Variants in PLD5 observed in about 807,000 individuals in gnomAD.
PLD5 encodes the protein phospholipase D family member 5, also known as inactive phospholipase D5.
PLD5 carries 36 observed loss-of-function variants against 61.1 expected under a neutral mutation model. That is an observed-to-expected ratio of 0.59 (90% CI 0.45 to 0.78). PLD5 has a LOEUF of 0.78. Among genes scored for constraint, PLD5 ranks in the 30% least tolerant of loss-of-function variants. PLD5 has a pLI of 0.00. For missense variants in PLD5, 515 were observed against 644.4 expected, an observed-to-expected ratio of 0.80 and a Z score of 2.17; for synonymous variants, 243 against 242.8, an observed-to-expected ratio of 1.00 and a Z score of -0.01.
intron 1 of PLD5, among the ~76,000 whole-genome samples, chr1:242,395,061 G>GAATATATATGAT (rs1255407832): frequency 5.9e-5 from 5 of 84,954 alleles, no homozygotes; most frequent in African/African-American, 2.0e-4. Context: ...GAATATATAT[G>GAATATATATGAT]TATATATATG....
intron 5 of PLD5, among the ~76,000 whole-genome samples, chr1:242,217,696 A>C (rs1670304022): frequency 6.6e-6 from 1 of 152,204 alleles, no homozygotes; most frequent in South Asian, 2.1e-4. Context: ...GAAGGAGTAG[A>C]TTCTAACCCT....
rs141233336 is a variant in PLD5 at position 242,432,400 on chromosome 1, G to A, written c.190-84158C>T. On this transcript the variant is annotated intron_variant, in intron 1 of 9. Coordinates refer to ENST00000536534, the MANE Select transcript of PLD5 (RefSeq NM_001372062.1). Reference sequence around the variant, plus strand: ...CTACAGGCGAGGCTGCCAACGTAGGGGACACTCCTTGTGAAGTCTAATGGA... The same window carrying A: ...CTACAGGCGAGGCTGCCAACGTAGGAGACACTCCTTGTGAAGTCTAATGGA... 2.0e-3 allele frequency among the ~76,000 whole-genome samples: 302 copies of A among 152,282 alleles called. 5 individuals are homozygous for A. Among genetic ancestry groups the A allele is most frequent in the African/African-American group, 6.0e-3 (251 of 41,556 alleles).
intron 6 of PLD5, among the ~76,000 whole-genome samples, chr1:242,119,017 T>C (rs959077544): frequency 5.9e-5 from 9 of 152,202 alleles, no homozygotes; most frequent in Non-Finnish European, 7.3e-5. Context: ...TGCTGTGTAC[T>C]TCTTTGTTCC....
chr1:242,196,313 G>T (rs1042490649), intron 5 of PLD5, among the ~76,000 whole-genome samples: 1 of 152,206 alleles, frequency 6.6e-6, no homozygotes, highest in African/African-American at 2.4e-5. Flanking sequence ...GGTACATTAT[G>T]GTGGGTCGGG....
chr1:242,124,710 G>A lies in PLD5; in HGVS notation c.736-45C>T, dbSNP rs750509646. 4 of 1,514,416 alleles carry A rather than the reference G, an allele frequency of 2.6e-6. No homozygotes were observed. In the South Asian group the frequency reaches 4.7e-5, roughly 18 times the overall value. The allele number at this position is 1,514,416 out of a possible 1,614,324, so 93.8% of individuals were successfully genotyped here. On this transcript the variant is annotated intron_variant, in intron 5 of 9. Coordinates refer to ENST00000536534, the MANE Select transcript of PLD5 (RefSeq NM_001372062.1). ...AGCATCAATGCCATGTGTGTCTTTT[G>A]GTGTTATTTTCAGAGAAAAAAGGAA...
Position 242,389,615 on chromosome 1 carries a change from G to A in PLD5, c.190-41373C>T, listed in dbSNP as rs114456367. Reference sequence around the variant, plus strand: ...TCAGAGCTGTATCCAAGCAGCAGACGGAGAAATAAATATGCCACTTAGAAT... The same window carrying A: ...TCAGAGCTGTATCCAAGCAGCAGACAGAGAAATAAATATGCCACTTAGAAT... On this transcript the variant is annotated intron_variant, in intron 1 of 9. Coordinates refer to ENST00000536534, the MANE Select transcript of PLD5 (RefSeq NM_001372062.1). Among the ~76,000 whole-genome samples, 1,111 of 151,828 alleles carry A rather than the reference G, an allele frequency of 7.3e-3. 14 individuals are homozygous for A. Among genetic ancestry groups the A allele is most frequent in the African/African-American group, 0.023 (950 of 41,406 alleles).
At chr1:242,337,197 A>G (rs1489609565) in intron 2 of PLD5, among the ~76,000 whole-genome samples, 1 of 72,892 alleles carries the variant, frequency 1.4e-5, no homozygotes, top group Non-Finnish European at 3.4e-5. Flanking sequence ...CAAGGTAAAT[A>G]TAAGAAAGCA....
chr1:242,357,547 A>G (rs2149232041), intron 1 of PLD5, among the ~76,000 whole-genome samples: 1 of 148,350 alleles, frequency 6.7e-6, no homozygotes, highest in Middle Eastern at 3.5e-3. Flanking sequence ...GTGCAATGGC[A>G]TTATCTTGGC....
At chr1:242,462,039 A>G (rs1005713329) in intron 1 of PLD5, among the ~76,000 whole-genome samples, 11 of 152,144 alleles carry the variant, frequency 7.2e-5, no homozygotes, top group African/African-American at 2.7e-4. Flanking sequence ...TGCTCTGTTG[A>G]CAGTTTCTTT....
At chr1:242,264,174 A>T (rs563631879) in intron 4 of PLD5, among the ~76,000 whole-genome samples, 2 of 152,240 alleles carry the variant, frequency 1.3e-5, no homozygotes, top group Admixed American at 6.5e-5. Context: ...TTACATTTTT[A>T]AAAAATAGGA....
In PLD5 at chr1:242,281,771, C is replaced by T. The variant is rs185082525; in HGVS notation, c.495+6591G>A. On this transcript the variant is annotated intron_variant, in intron 3 of 9. Transcript: ENST00000536534. ...TAGATGTTTTCCAAAGCTGAAGTGC[C>T]CCCTGCTTCTCCAAAGATAGAGCAG... Among the ~76,000 whole-genome samples, 22 of 152,170 alleles carry T rather than the reference C, an allele frequency of 1.4e-4. 1 individual carries two copies. The highest frequency in any genetic ancestry group is 5.3e-4 in the African/African-American group (22 of 41,536).
intron 1 of PLD5, among the ~76,000 whole-genome samples, chr1:242,457,069 G>A (rs75623525): frequency 0.012 from 1,848 of 152,248 alleles, 26 homozygotes; most frequent in East Asian, 0.062. Flanking sequence ...TGGGCTCCCT[G>A]TCAAACCGGA....
chr1:242,520,165 C>A (rs1172789796), intron 1 of PLD5, among the ~76,000 whole-genome samples: 2 of 152,148 alleles, frequency 1.3e-5, no homozygotes, highest in East Asian at 3.9e-4. Context: ...TGGGCGGAAG[C>A]ATTGAAAGCC....
chr1:242,370,048 A>T (rs1661549209), intron 1 of PLD5, among the ~76,000 whole-genome samples: 2 of 152,266 alleles, frequency 1.3e-5, no homozygotes, highest in Admixed American at 6.5e-5. Context: ...GTTGTGTATT[A>T]GTTTCTTTGC....
At chr1:242,120,272 C>T (rs998126484) in intron 6 of PLD5, among the ~76,000 whole-genome samples, 9 of 152,094 alleles carry the variant, frequency 5.9e-5, no homozygotes, top group Admixed American at 1.3e-4. Context: ...TGCGACTATA[C>T]TCAACCCCAC....
chr1:242,418,484 T>C (rs968698373), intron 1 of PLD5, among the ~76,000 whole-genome samples: 2 of 152,026 alleles, frequency 1.3e-5, no homozygotes, highest in African/African-American at 4.8e-5. Flanking sequence ...GGTGGGATCA[T>C]CAAAAGAAGT....
Position 242,089,095 on chromosome 1 carries a change from C to T in PLD5, c.*759G>A. 2.7e-6 allele frequency: 1 copy of T among 376,284 alleles called. No individual in the cohort carries two copies. Among genetic ancestry groups the T allele is most frequent in the Non-Finnish European group, 4.7e-6 (1 of 212,558 alleles). 23.3% of individuals were successfully genotyped at this position (376,284 alleles called of 1,614,324 possible). On this transcript the variant is annotated 3_prime_UTR_variant, in exon 10 of 10. Coordinates refer to ENST00000536534, the MANE Select transcript of PLD5 (RefSeq NM_001372062.1). ...TGCTGACTGTGATTTTTTTTAAATA[C>T]CAATTCGGTAGGGGAAAAAAGGATT...
chr1:242,099,857 G>A (rs1394467565), intron 9 of PLD5, among the ~76,000 whole-genome samples: 1 of 152,104 alleles, frequency 6.6e-6, no homozygotes, highest in African/African-American at 2.4e-5. Context: ...TCTGTACAAT[G>A]TAATCACTAC....
chr1:242,134,821 C>A (rs1663578075), intron 5 of PLD5, among the ~76,000 whole-genome samples: 1 of 152,162 alleles, frequency 6.6e-6, no homozygotes, highest in Admixed American at 6.6e-5. Flanking sequence ...TCTAGATTCC[C>A]AGCACCATTG....
Sources: gnomAD v4.1 joint callset for allele counts (sites outside exome capture counted in the v4.1 genomes callset) on GRCh38, gnomAD v4.1.1 for gene constraint, MANE v1.5 for transcripts, NCBI Gene and HGNC (gene_info 2026-07-23, HGNC 2026-07-21) for gene names.